The following ACO1 variants were observed in gnomAD, a reference collection of about 807,000 sequenced individuals.
ACO1 encodes the protein aconitase 1.
ACO1 carries 78 observed loss-of-function variants against 105.1 expected under a neutral mutation model. The ratio of observed to expected loss-of-function variants is 0.74; its 90% CI spans 0.62 to 0.90. The LOEUF (loss-of-function observed/expected upper bound fraction) is 0.90, where lower values mean the gene tolerates loss of function less well. Ranked by LOEUF, ACO1 falls within the 40% of genes least tolerant of loss-of-function variation. The pLI is 0.00. For synonymous variants in ACO1, 364 were observed against 397.4 expected, an observed-to-expected ratio of 0.92 and a Z score of 1.00; for missense variants, 965 against 1,111.1, an observed-to-expected ratio of 0.87 and a Z score of 1.87.
intron 7 of ACO1, among the ~76,000 whole-genome samples, chr9:32,420,183 A>G (rs980378240): frequency 2.0e-5 from 3 of 152,130 alleles, no homozygotes; most frequent in African/African-American, 7.2e-5. Context: ...CTGTGGCCTC[A>G]CTCCTGGCTG....
At position 32,434,063 on chromosome 9, in the gene ACO1, A is replaced by G. The variant is rs7871750; in HGVS notation, c.1956+231A>G. ...GTGGATGTACACAGCCACCCTAGTA[A>G]TCACCTGGACTTAAACCTAGTAGAG... On this transcript the variant is annotated intron_variant, in intron 16 of 20. Transcript: ENST00000309951. 4.5e-3 allele frequency among the ~76,000 whole-genome samples: 686 copies of G among 152,182 alleles called. 3 individuals carry two copies. The highest frequency in any genetic ancestry group is 0.016 in the African/African-American group (658 of 41,518).
chr9:32,416,431 C>T (rs187302388), intron 4 of ACO1, among the ~76,000 whole-genome samples: 211 of 152,166 alleles, frequency 1.4e-3, no homozygotes, highest in African/African-American at 4.7e-3. Context: ...CACATGCTTC[C>T]GGTCCCTTTT....
intron 1 of ACO1, among the ~76,000 whole-genome samples, chr9:32,395,710 C>T (rs1158579098): frequency 1.3e-5 from 2 of 152,168 alleles, no homozygotes; most frequent in Non-Finnish European, 2.9e-5. Context: ...TACTTTCTTG[C>T]CAAATGTTTC....
rs1354929475 is a variant in ACO1 at position 32,408,560 on chromosome 9, A to T, written c.313A>T (p.Lys105Ter). Residue 105 changes from lysine (K) to a stop codon, truncating the protein, a stop_gained, in exon 4 of 21, where the codon AAA (lysine) becomes TAA (stop). Transcript: ENST00000309951. LOFTEE classifies it high-confidence loss of function. ...CTTTGCTGCAATGCGTGATGCTGTG[A>T]AAAAGTTAGGAGGAGATCCAGAGAA... ...VDFAAMRDAV[K>*]KLGGDPEKIN... 3.1e-6 allele frequency: 5 copies of T among 1,614,060 alleles called. No individual in the cohort carries two copies. Among genetic ancestry groups the T allele is most frequent in the Non-Finnish European group, 4.2e-6 (5 of 1,180,020 alleles).
chr9:32,426,138 A>G, intron 11 of ACO1, 141 bp downstream of exon 11: 1 of 809,262 alleles, frequency 1.2e-6, no homozygotes, highest in Non-Finnish European at 1.9e-6. Flanking sequence ...TTATTGGCCC[A>G]TAAATATCTA....
chr9:32,419,759 C>G (rs924270790), intron 7 of ACO1, among the ~76,000 whole-genome samples: 3 of 152,136 alleles, frequency 2.0e-5, no homozygotes, highest in Non-Finnish European at 4.4e-5. Context: ...TATATGTCAC[C>G]AAGCTGGAAA....
At chr9:32,389,613 T>G (rs1821223201) in intron 1 of ACO1, among the ~76,000 whole-genome samples, 1 of 152,034 alleles carries the variant, frequency 6.6e-6, no homozygotes, top group African/African-American at 2.4e-5. Context: ...GCCCTCTCAC[T>G]TCAGTTGACT....
chr9:32,451,760 A>T lies in ACO1; in HGVS notation c.*1649A>T, dbSNP rs1190422247. Reference sequence around the variant, plus strand: ...TGGGGATCTTATTTATATTCATTTAAAAAATAAATTACAAACAAACAGCCA... The same window carrying T: ...TGGGGATCTTATTTATATTCATTTATAAAATAAATTACAAACAAACAGCCA... On this transcript the variant is annotated 3_prime_UTR_variant, in exon 21 of 21. Transcript: ENST00000309951. The T allele has an allele frequency of 6.6e-6, 1 of 152,218 alleles. No individual in the cohort carries two copies. Among genetic ancestry groups the T allele is most frequent in the Non-Finnish European group, 1.5e-5 (1 of 68,052 alleles). The allele number at this position is 152,218 out of a possible 1,614,324, so 9.4% of individuals were successfully genotyped here.
chr9:32,449,104 C>A, intron 20 of ACO1, 23 bp downstream of exon 20: 1 of 1,566,042 alleles, frequency 6.4e-7, no homozygotes. Flanking sequence ...CTCTCTATGC[C>A]AGGCCCTGTC....
At chr9:32,420,665 C>T (rs1433612419) in intron 7 of ACO1, among the ~76,000 whole-genome samples, 191 bp from the exon 8 acceptor site, 1 of 152,178 alleles carries the variant, frequency 6.6e-6, no homozygotes. Flanking sequence ...CTCCAGAATC[C>T]AATCCAGGAT....
Position 32,418,094 on chromosome 9 carries a change from C to T in ACO1, c.405-34C>T, listed in dbSNP as rs1440696888. ...ATTTGACCACTAATATGTTAAGTCTCAAATTGTATACATTTAATTTTTCTC... is the reference window on the plus strand; with the variant it reads ...ATTTGACCACTAATATGTTAAGTCTTAAATTGTATACATTTAATTTTTCTC... On this transcript the variant is annotated intron_variant, in intron 4 of 20. Transcript: ENST00000309951. 3 of 1,601,826 alleles carry T rather than the reference C, an allele frequency of 1.9e-6. No individual in the cohort carries two copies. In the African/African-American group the frequency reaches 4.0e-5, roughly 21 times the overall value.
At chr9:32,391,296 A>G (rs1487244775) in intron 1 of ACO1, among the ~76,000 whole-genome samples, 1 of 152,232 alleles carries the variant, frequency 6.6e-6, no homozygotes, top group African/African-American at 2.4e-5. Flanking sequence ...TGACTTTAAG[A>G]ATCAATTGGA....
intron 4 of ACO1, among the ~76,000 whole-genome samples, chr9:32,415,611 G>A (rs1317262858): frequency 2.6e-5 from 4 of 152,184 alleles, no homozygotes; most frequent in South Asian, 2.1e-4. Flanking sequence ...TAAGAAGGTC[G>A]AGATGAGTAC....
rs1821204681 is a variant in ACO1 at position 32,388,716 on chromosome 9, C to G, written c.-23+3981C>G. Among the ~76,000 whole-genome samples the G allele has an allele frequency of 2.0e-5, 3 of 152,204 alleles. No homozygotes were observed. In the South Asian group the frequency reaches 6.2e-4, roughly 32 times the overall value. On this transcript the variant is annotated intron_variant, in intron 1 of 20. Coordinates refer to ENST00000309951, the MANE Select transcript of ACO1 (RefSeq NM_002197.3). ...TTAGAAGATAGACCAGTAGCCAGTT[C>G]TGGGCAGTGGAATGAGGTAGAAGGA...
In ACO1 at chr9:32,389,946, C is replaced by T. The variant is rs999273900; in HGVS notation, c.-23+5211C>T. On this transcript the variant is annotated intron_variant, in intron 1 of 20. Coordinates refer to ENST00000309951, the MANE Select transcript of ACO1 (RefSeq NM_002197.3). ...CAGAATAGCTGGAATTACAGGCGTG[C>T]GCCACCACGCCCAGCCGATTTTTGT... Among the ~76,000 whole-genome samples, 46 of 152,140 alleles carry T rather than the reference C, an allele frequency of 3.0e-4. 1 individual carries two copies. Among genetic ancestry groups the T allele is most frequent in the African/African-American group, 1.1e-3 (44 of 41,532 alleles).
chr9:32,394,595 G>A (rs1487553696), intron 1 of ACO1, among the ~76,000 whole-genome samples: 2 of 152,210 alleles, frequency 1.3e-5, no homozygotes, highest in African/African-American at 2.4e-5. Context: ...TCACTGGGAT[G>A]GAACCAGCTG....
intron 13 of ACO1, among the ~76,000 whole-genome samples, chr9:32,429,721 T>C (rs531129078): frequency 6.6e-6 from 1 of 152,348 alleles, no homozygotes; most frequent in South Asian, 2.1e-4. Flanking sequence ...GAGATGATAA[T>C]AGTATCTATT....
At chr9:32,422,174 G>A (rs1185877343) in intron 8 of ACO1, among the ~76,000 whole-genome samples, 1 of 152,186 alleles carries the variant, frequency 6.6e-6, no homozygotes, top group Non-Finnish European at 1.5e-5. Flanking sequence ...AAGGTTAGTT[G>A]GTTAGTTCCC....
intron 17 of ACO1, among the ~76,000 whole-genome samples, chr9:32,435,325 A>G (rs1360778895): frequency 2.6e-5 from 4 of 152,158 alleles, no homozygotes; most frequent in Non-Finnish European, 5.9e-5. Flanking sequence ...CAGAATCCAA[A>G]TGCCTTTTTT....
Sources: gnomAD v4.1 joint callset for allele counts (sites outside exome capture counted in the v4.1 genomes callset) on GRCh38, gnomAD v4.1.1 for gene constraint, MANE v1.5 for transcripts, NCBI Gene and HGNC (gene_info 2026-07-23, HGNC 2026-07-21) for gene names.